MAMLD1: variants seen among roughly 807,000 people sequenced by gnomAD.
The protein encoded by MAMLD1 is mastermind-like domain-containing protein 1.
Under a neutral mutation model 45.0 loss-of-function variants are expected in MAMLD1, and 14 were observed. That is an observed-to-expected ratio of 0.31 (90% confidence interval 0.21 to 0.49). The LOEUF is 0.49. MAMLD1 is among the 20% of genes least tolerant of loss of function. The pLI, the probability that MAMLD1 is intolerant of heterozygous loss-of-function variation, is 0.99. For synonymous variants in MAMLD1, 254 were observed against 247.8 expected (o/e 1.02, Z -0.24); for missense variants, 543 against 603.6 (o/e 0.90, Z 1.05).
chrX:150,469,739 T>A lies in MAMLD1; in HGVS notation c.172-6T>A. On this transcript the variant is annotated splice_region_variant and splice_polypyrimidine_tract_variant and intron_variant, in intron 3 of 7. Transcript: ENST00000370401. ...CTTCTCCTCTTCTCTTCTCTTCCAT[T>A]CACAGGGAACTGTTAAGAGGAGACA... 8.4e-7 allele frequency: 1 copy of A among 1,192,966 alleles called. No individual in the cohort carries two copies.
chrX:150,398,253 A>C (rs1557402314), intron 1 of MAMLD1, among the ~76,000 whole-genome samples: 1 of 21,014 alleles, frequency 4.8e-5, no homozygotes, highest in Admixed American at 5.3e-4. Context: ...GAGGAGAAGG[A>C]GAAGAAGAAG....
intron 5 of MAMLD1, among the ~76,000 whole-genome samples, chrX:150,483,219 T>C (rs2036878216): frequency 8.9e-6 from 1 of 112,407 alleles, no homozygotes; most frequent in South Asian, 3.7e-4. Flanking sequence ...CACCTGGTCA[T>C]TGTGTCCCTG....
At chrX:150,502,242 A>G (rs897561290) in intron 5 of MAMLD1, among the ~76,000 whole-genome samples, 3 of 112,949 alleles carry the variant, frequency 2.7e-5, no homozygotes, top group African/African-American at 9.6e-5. Flanking sequence ...GATTCCAACT[A>G]TGTAGCTTAG....
chrX:150,446,194 T>G (rs986503238), intron 2 of MAMLD1, among the ~76,000 whole-genome samples: 17 of 111,918 alleles, frequency 1.5e-4, no homozygotes, highest in African/African-American at 5.2e-4. Flanking sequence ...TGAGAGCCAT[T>G]GACTAGTTTA....
intron 3 of MAMLD1, among the ~76,000 whole-genome samples, chrX:150,466,530 C>G (rs187552549): frequency 8.9e-6 from 1 of 112,302 alleles, no homozygotes; most frequent in Non-Finnish European, 1.9e-5. Flanking sequence ...AGCCTGCCCC[C>G]TTTATTAGGC....
At chrX:150,377,327 A>AG in intron 1 of MAMLD1, among the ~76,000 whole-genome samples, 1 of 113,280 alleles carries the variant, frequency 8.8e-6, no homozygotes, top group East Asian at 2.8e-4. Context: ...GCTGACCTAA[A>AG]GGGGCTTTGT....
intron 1 of MAMLD1, among the ~76,000 whole-genome samples, chrX:150,402,854 T>C (rs1421781128): frequency 9.1e-6 from 1 of 109,532 alleles, no homozygotes; most frequent in Non-Finnish European, 1.9e-5. Flanking sequence ...TTCTCACTCA[T>C]AGGTGGGAAT....
At chrX:150,476,698 G>T (rs1557406878) in intron 5 of MAMLD1, among the ~76,000 whole-genome samples, 1 of 113,008 alleles carries the variant, frequency 8.8e-6, no homozygotes. Context: ...GGAGGCACAT[G>T]ATGTTGTTTT....
chrX:150,469,651 CTCTCTG>C, intron 3 of MAMLD1, 88 bp from the exon 4 acceptor site: 5 of 577,993 alleles, frequency 8.7e-6, no homozygotes, highest in East Asian at 3.5e-5. Flanking sequence ...CTCTCTCTCT[CTCTCTG>C]TGTGTGTGTG....
At chrX:150,463,443 C>T (rs782327986) in intron 3 of MAMLD1, among the ~76,000 whole-genome samples, 1 of 112,114 alleles carries the variant, frequency 8.9e-6, no homozygotes, top group South Asian at 3.8e-4. Flanking sequence ...GAGGCTAGCT[C>T]TCAACAAATG....
At chrX:150,471,570 G>A (rs2036432690) in intron 4 of MAMLD1, 80 bp downstream of exon 4, 1 of 1,197,729 alleles carries the variant, frequency 8.3e-7, no homozygotes, top group Admixed American at 2.2e-5. Flanking sequence ...ATCTGGCTCT[G>A]GAGGGTAAAT....
rs148772227 is a variant in MAMLD1, at chrX:150,399,248, C to T, written c.-64+35718C>T. ...AGTGGAAGGACACAGACCTGGCAGA[C>T]GGTTGAGAGGCAGAATTAACAGATG... On this transcript the variant is annotated intron_variant, in intron 1 of 7. Coordinates refer to ENST00000370401, the MANE Select transcript of MAMLD1 (RefSeq NM_005491.5). Among the ~76,000 whole-genome samples the T allele has an allele frequency of 1.5e-4, 17 of 111,309 alleles. No homozygotes were observed. In the East Asian group the frequency reaches 4.0e-3, roughly 26 times the overall value.
At chrX:150,448,341 CTAT>C (rs1430533528) in intron 2 of MAMLD1, among the ~76,000 whole-genome samples, 1 of 112,173 alleles carries the variant, frequency 8.9e-6, no homozygotes, top group Non-Finnish European at 1.9e-5. Context: ...GAAGAAGAAG[CTAT>C]TATTATCTCC....
intron 5 of MAMLD1, among the ~76,000 whole-genome samples, chrX:150,479,265 C>A (rs1557407016): frequency 9.0e-6 from 1 of 111,610 alleles, no homozygotes; most frequent in Non-Finnish European, 1.9e-5. Flanking sequence ...GGTGACTTTA[C>A]ATTGTTCCCC....
intron 2 of MAMLD1, among the ~76,000 whole-genome samples, chrX:150,458,116 TA>T (rs1557405435): frequency 9.0e-6 from 1 of 110,943 alleles, no homozygotes; most frequent in East Asian, 2.8e-4. Flanking sequence ...CTCTGCAGGC[TA>T]AAAGTTGGCA....
chrX:150,371,559 G>C (rs1181064788), intron 1 of MAMLD1, among the ~76,000 whole-genome samples: 1 of 111,628 alleles, frequency 9.0e-6, no homozygotes, highest in Non-Finnish European at 1.9e-5. Flanking sequence ...GGAAAGTGTG[G>C]GTCTTTGGAG....
intron 5 of MAMLD1, among the ~76,000 whole-genome samples, chrX:150,484,614 A>G: frequency 8.9e-6 from 1 of 112,571 alleles, no homozygotes; most frequent in East Asian, 2.8e-4. Context: ...CACTCTTCCA[A>G]GCCGTGTAGT....
intron 1 of MAMLD1, among the ~76,000 whole-genome samples, chrX:150,418,537 C>G (rs1602735368): frequency 9.7e-6 from 1 of 102,647 alleles, no homozygotes; most frequent in South Asian, 4.8e-4. Context: ...GTTAGGGTGT[C>G]AATTTTGGAT....
At chrX:150,477,982 C>G (rs1173511124) in intron 5 of MAMLD1, among the ~76,000 whole-genome samples, 2 of 111,847 alleles carry the variant, frequency 1.8e-5, no homozygotes, top group African/African-American at 3.3e-5. Context: ...TCTCTCCTCT[C>G]GTTTCCGTCC....
Sources: allele counts gnomAD v4.1 joint callset (sites outside exome capture counted in the v4.1 genomes callset), GRCh38; gene constraint gnomAD v4.1.1; transcripts MANE v1.5; gene names NCBI Gene and HGNC (gene_info 2026-07-23, HGNC 2026-07-21).